The following STK33 variants were observed in gnomAD, a reference collection of about 807,000 sequenced individuals.
STK33 encodes the protein serine/threonine kinase 33.
A neutral mutation model predicts 58.0 loss-of-function variants in STK33; 52 were observed. The observed-to-expected ratio is 0.90, with a 90% CI of 0.72 to 1.13. The LOEUF is 1.13. STK33 is among the 50% of genes most tolerant of loss of function. The pLI, the probability that STK33 is intolerant of heterozygous loss-of-function variation, is 0.00. For missense variants in STK33, 630 were observed against 604.2 expected (o/e 1.04, Z -0.45); for synonymous variants, 215 against 200.1 (o/e 1.07, Z -0.63).
At chr11:8,527,207 C>T (rs532534258) in intron 1 of STK33, among the ~76,000 whole-genome samples, 1 of 152,102 alleles carries the variant, frequency 6.6e-6, no homozygotes, top group South Asian at 2.1e-4. Context: ...AAGTCCTGAC[C>T]TCAAATGATC....
At chr11:8,581,358 A>G (rs191535696) in intron 1 of STK33, among the ~76,000 whole-genome samples, 13 of 152,276 alleles carry the variant, frequency 8.5e-5, no homozygotes, top group Non-Finnish European at 1.3e-4. Context: ...TATATATAAA[A>G]AAAATAGCCA....
chr11:8,587,247 T>G (rs180719903), intron 1 of STK33, among the ~76,000 whole-genome samples: 1 of 152,334 alleles, frequency 6.6e-6, no homozygotes, highest in African/African-American at 2.4e-5. Context: ...TTAGAAAATT[T>G]GAAAACATTT....
chr11:8,379,703 T>C, the STK33 span, among the ~76,000 whole-genome samples: 2 of 152,198 alleles, frequency 1.3e-5, no homozygotes, highest in African/African-American at 4.8e-5. Context: ...CGCTTTGTTG[T>C]ACAGATTATT....
intron 1 of STK33, among the ~76,000 whole-genome samples, chr11:8,592,721 T>C (rs2032812312): frequency 6.6e-6 from 1 of 152,170 alleles, no homozygotes; most frequent in South Asian, 2.1e-4. Context: ...GTCTGGATGG[T>C]CATGTACATG....
intron 1 of STK33, among the ~76,000 whole-genome samples, chr11:8,491,916 G>A (rs908871908): frequency 6.6e-6 from 1 of 152,100 alleles, no homozygotes; most frequent in Non-Finnish European, 1.5e-5. Context: ...TCACCACCAG[G>A]CCTGCCCTAA....
chr11:8,465,769 C>G (rs1297135264), intron 6 of STK33: 1 of 152,818 alleles, frequency 6.5e-6, no homozygotes, highest in Non-Finnish European at 1.5e-5. Flanking sequence ...TATGTGTGAT[C>G]ACTTTCACAT....
chr11:8,529,870 C>T (rs531111418), intron 1 of STK33, among the ~76,000 whole-genome samples: 1 of 152,154 alleles, frequency 6.6e-6, no homozygotes, highest in South Asian at 2.1e-4. Flanking sequence ...AGACTTCTGA[C>T]CTCCAAAACA....
At chr11:8,432,409 G>A (rs1050155235) in intron 14 of STK33, among the ~76,000 whole-genome samples, 13 of 152,088 alleles carry the variant, frequency 8.5e-5, no homozygotes, top group African/African-American at 2.9e-4. Flanking sequence ...GGCATACTCC[G>A]GCCATTAGAG....
intron 1 of STK33, among the ~76,000 whole-genome samples, chr11:8,546,865 G>C (rs147198299): frequency 0.018 from 2,712 of 152,178 alleles, 67 homozygotes; most frequent in South Asian, 0.088. Flanking sequence ...TCCATATCTT[G>C]GCTACTGTAA....
intron 12 of STK33, among the ~76,000 whole-genome samples, chr11:8,438,698 A>T (rs550840151): frequency 3.9e-5 from 6 of 152,318 alleles, no homozygotes; most frequent in Admixed American, 6.5e-5. Flanking sequence ...CACCAAGTTC[A>T]AACTAAGAAG....
chr11:8,554,144 G>C (rs1956560297), intron 1 of STK33, among the ~76,000 whole-genome samples: 1 of 152,224 alleles, frequency 6.6e-6, no homozygotes, highest in South Asian at 2.1e-4. Flanking sequence ...AATTGGCCAG[G>C]TGTGGTGGCT....
chr11:8,363,000 G>C, the STK33 span, among the ~76,000 whole-genome samples: 1 of 151,962 alleles, frequency 6.6e-6, no homozygotes, highest in African/African-American at 2.4e-5. Flanking sequence ...ACACCTGAAG[G>C]GAGTGAGCCT....
At position 8,435,513 on chromosome 11, in the gene STK33, A is replaced by C; in HGVS notation, c.1127T>G (p.Leu376Arg). ...ACTTACTGTTAACCACTGGTTATCT[A>C]GTAGTTCCTTAGCTGTGATTCTGTG... ...PAHRITAKELLDNQWLTGNKL... is the reference protein window; with the variant it reads ...PAHRITAKELRDNQWLTGNKL... The change falls in exon 14 of 16, where the codon CTA (leucine) becomes CGA (arginine). Residue 376 changes from leucine to arginine, a missense_variant. Physicochemically the swap from Leu to Arg is moderately radical, Grantham distance 102. Coordinates refer to ENST00000687296, the MANE Select transcript of STK33 (RefSeq NM_001352389.2). The C allele has an allele frequency of 6.7e-7, 1 of 1,489,792 alleles. No homozygotes were observed. The highest frequency in any genetic ancestry group is 9.0e-7 in the Non-Finnish European group (1 of 1,107,102). The allele number at this position is 1,489,792 out of a possible 1,614,324, so 92.3% of individuals were successfully genotyped here.
intron 1 of STK33, among the ~76,000 whole-genome samples, chr11:8,504,212 T>C (rs1951713352): frequency 6.6e-6 from 1 of 151,992 alleles, no homozygotes; most frequent in Non-Finnish European, 1.5e-5. Context: ...GAGGAAAGGG[T>C]AGATAGGAGC....
intron 1 of STK33, among the ~76,000 whole-genome samples, chr11:8,518,936 A>G (rs1039311692): frequency 6.6e-6 from 1 of 152,190 alleles, no homozygotes; most frequent in Non-Finnish European, 1.5e-5. Context: ...GATCAACAAG[A>G]CAGAAAGTTA....
At chr11:8,566,951 C>A (rs975313551) in intron 1 of STK33, among the ~76,000 whole-genome samples, 3 of 152,020 alleles carry the variant, frequency 2.0e-5, no homozygotes, top group South Asian at 2.1e-4. Context: ...CAAGCCTGGG[C>A]AACATGGTGA....
chr11:8,535,847 C>A (rs1320896872), intron 1 of STK33, among the ~76,000 whole-genome samples: 2 of 152,078 alleles, frequency 1.3e-5, no homozygotes, highest in Non-Finnish European at 2.9e-5. Flanking sequence ...AAGTGTCCCT[C>A]AACAGATGAA....
intron 5 of STK33, among the ~76,000 whole-genome samples, chr11:8,473,648 T>C (rs892372117): frequency 6.6e-6 from 1 of 152,196 alleles, no homozygotes; most frequent in Non-Finnish European, 1.5e-5. Flanking sequence ...AAGTAAATTA[T>C]TGGCCACTCA....
At chr11:8,568,307 T>C (rs1957580967) in intron 1 of STK33, among the ~76,000 whole-genome samples, 1 of 152,088 alleles carries the variant, frequency 6.6e-6, no homozygotes, top group African/African-American at 2.4e-5. Context: ...GCATAAAAGT[T>C]CCTCCAAAGT....
Sources: allele counts gnomAD v4.1 joint callset (sites outside exome capture counted in the v4.1 genomes callset), GRCh38; gene constraint gnomAD v4.1.1; transcripts MANE v1.5; gene names NCBI Gene and HGNC (gene_info 2026-07-23, HGNC 2026-07-21).